The following PDE10A variants were observed in gnomAD, a reference collection of about 807,000 sequenced individuals.
The protein encoded by PDE10A is cAMP and cAMP-inhibited cGMP 3',5'-cyclic phosphodiesterase 10A.
Under a neutral mutation model 97.7 loss-of-function variants are expected in PDE10A, and 39 were observed. The observed-to-expected ratio is 0.40, with a 90% CI of 0.31 to 0.52. The LOEUF (loss-of-function observed/expected upper bound fraction) is 0.52. Ranked by LOEUF, PDE10A falls within the 20% of genes least tolerant of loss-of-function variation. The probability of loss-of-function intolerance (pLI) is 0.56; values close to 1 mark genes in which losing one functional copy is unlikely to be tolerated. For synonymous variants in PDE10A, 371 were observed against 376.8 expected (o/e 0.98, Z 0.18); for missense variants, 731 against 1,047.8 (o/e 0.70, Z 4.17).
At chr6:165,717,927 A>G (rs1047943170) in intron 1 of PDE10A, among the ~76,000 whole-genome samples, 16 of 152,170 alleles carry the variant, frequency 1.1e-4, no homozygotes, top group African/African-American at 3.9e-4. Flanking sequence ...GCCCATTCTG[A>G]ATCAGGATGT....
chr6:165,932,763 C>T (rs1237837084), intron 1 of PDE10A, among the ~76,000 whole-genome samples: 2 of 152,242 alleles, frequency 1.3e-5, no homozygotes, highest in African/African-American at 2.4e-5. Context: ...TGAGCCACCA[C>T]ACCCGGCCTG....
intron 1 of PDE10A, 75 bp from the exon 2 acceptor site, chr6:165,543,643 A>T (rs540714762): frequency 8.4e-7 from 1 of 1,187,680 alleles, no homozygotes; most frequent in Non-Finnish European, 1.2e-6. Context: ...GTATCACAAC[A>T]CATTATGCTA....
At chr6:165,359,734 G>A (rs989699983) in intron 18 of PDE10A, among the ~76,000 whole-genome samples, 8 of 151,942 alleles carry the variant, frequency 5.3e-5, no homozygotes, top group Non-Finnish European at 1.2e-4. Context: ...CTTTATATTT[G>A]TAGTAAAGGG....
chr6:165,494,457 G>T (rs1213211808), intron 2 of PDE10A, among the ~76,000 whole-genome samples: 1 of 124,552 alleles, frequency 8.0e-6, no homozygotes, highest in Non-Finnish European at 1.5e-5. Flanking sequence ...AGAAAATGTG[G>T]GGGGGGGTGT....
chr6:165,407,267 A>G (rs1406631911), intron 13 of PDE10A, among the ~76,000 whole-genome samples: 1 of 152,140 alleles, frequency 6.6e-6, no homozygotes, highest in African/African-American at 2.4e-5. Flanking sequence ...ACGATGTCAG[A>G]GAGAAGCCAG....
At chr6:165,465,941 G>A (rs969016221) in intron 3 of PDE10A, among the ~76,000 whole-genome samples, 2 of 148,244 alleles carry the variant, frequency 1.3e-5, no homozygotes, top group African/African-American at 4.9e-5. Context: ...GACAGAAACT[G>A]CAGGAGGAAG....
rs1789935998 is a variant in PDE10A, at chr6:165,655,989, G to C, written c.865+5958C>G. 6.6e-6 allele frequency among the ~76,000 whole-genome samples: 1 copy of C among 152,026 alleles called. No individual in the cohort carries two copies. The highest frequency in any genetic ancestry group is 2.1e-4 in the South Asian group (1 of 4,822). ...GCCCCTGTGAAGAGAGACCTGCACA[G>C]AACAAGGCAAGGAGCCACACAGCTG... On this transcript the variant is annotated intron_variant, in intron 1 of 21. Coordinates refer to ENST00000539869, the MANE Select transcript of PDE10A (RefSeq NM_001385079.1). The surrounding 1 kb of genome is among the most constrained non-coding windows in gnomAD (Gnocchi z 4.5).
exon 1 of PDE10A, chr6:165,987,808 G>C (rs1471566746): frequency 3.4e-5 from 15 of 443,512 alleles, no homozygotes; most frequent in South Asian, 2.4e-4. Context: ...CAAAAGGCGA[G>C]TGTGTGGGGT....
At chr6:165,976,332 T>A (rs938355643) in intron 1 of PDE10A, among the ~76,000 whole-genome samples, 4 of 152,152 alleles carry the variant, frequency 2.6e-5, no homozygotes, top group Non-Finnish European at 4.4e-5. Context: ...CCTCTCACCA[T>A]CTTTGTATAC....
chr6:165,373,138 C>G (rs1168586228), intron 18 of PDE10A, among the ~76,000 whole-genome samples: 1 of 150,904 alleles, frequency 6.6e-6, no homozygotes, highest in Admixed American at 6.6e-5. Flanking sequence ...AGAAGAAAAC[C>G]TAGGCATTAC....
intron 1 of PDE10A, among the ~76,000 whole-genome samples, chr6:165,679,870 G>C (rs993857810): frequency 2.6e-5 from 4 of 152,112 alleles, no homozygotes; most frequent in Non-Finnish European, 5.9e-5. Context: ...TCCCCATGGT[G>C]GGCACTGCTG....
chr6:165,702,159 G>A (rs1261067669), intron 1 of PDE10A, among the ~76,000 whole-genome samples: 1 of 152,258 alleles, frequency 6.6e-6, no homozygotes, highest in East Asian at 1.9e-4. Context: ...TTCAGAACAT[G>A]CCCTGGGACG....
chr6:165,987,726 C>G (rs763173098), exon 1 of PDE10A: 2 of 456,730 alleles, frequency 4.4e-6, no homozygotes, highest in South Asian at 3.1e-5. Context: ...CTGTCCACCA[C>G]GCTCGCGCGC....
intron 18 of PDE10A, among the ~76,000 whole-genome samples, chr6:165,348,041 T>C (rs140800723): frequency 2.0e-4 from 30 of 152,290 alleles, no homozygotes; most frequent in African/African-American, 6.0e-4. Context: ...TTCTTTGACA[T>C]GCACGTACAT....
At chr6:165,774,441 AT>A (rs1229949605) in intron 1 of PDE10A, among the ~76,000 whole-genome samples, 3 of 148,342 alleles carry the variant, frequency 2.0e-5, no homozygotes, top group Admixed American at 1.4e-4. Flanking sequence ...ATACGTATAT[AT>A]AATAAAAATA....
chr6:165,646,955 T>C (rs1789428170), intron 1 of PDE10A, among the ~76,000 whole-genome samples: 1 of 152,242 alleles, frequency 6.6e-6, no homozygotes, highest in Non-Finnish European at 1.5e-5. Flanking sequence ...AAAGCCTTGA[T>C]AGCTTTGTTT....
At chr6:165,470,285 C>G (rs960116673) in intron 3 of PDE10A, among the ~76,000 whole-genome samples, 3 of 152,206 alleles carry the variant, frequency 2.0e-5, no homozygotes, top group Non-Finnish European at 4.4e-5. Flanking sequence ...GTAACGAGAA[C>G]TGACTCCACG....
At chr6:165,806,425 C>G (rs529754800) in intron 1 of PDE10A, among the ~76,000 whole-genome samples, 47 of 152,328 alleles carry the variant, frequency 3.1e-4, no homozygotes, top group African/African-American at 1.1e-3. Flanking sequence ...TGGCCCTCTC[C>G]TAGCCTTGGT....
At chr6:165,975,696 C>A (rs1290519225) in intron 1 of PDE10A, among the ~76,000 whole-genome samples, 1 of 152,220 alleles carries the variant, frequency 6.6e-6, no homozygotes, top group Non-Finnish European at 1.5e-5. Flanking sequence ...CTATGACTAG[C>A]AAGGCTATGC....
Sources: gnomAD v4.1 joint callset for allele counts (sites outside exome capture counted in the v4.1 genomes callset) on GRCh38, gnomAD v4.1.1 for gene constraint, Gnocchi (gnomAD v3.1) non-coding constraint, MANE v1.5 for transcripts, NCBI Gene and HGNC (gene_info 2026-07-23, HGNC 2026-07-21) for gene names.